Variants in GRB10 observed in about 807,000 individuals in gnomAD.
GRB10 encodes the protein growth factor receptor-bound protein 10.
Under a neutral mutation model 80.9 loss-of-function variants are expected in GRB10, and 20 were observed. That is an observed-to-expected ratio of 0.25 (90% CI 0.17 to 0.36). GRB10 has a LOEUF of 0.36. GRB10 is among the 10% of genes least tolerant of loss of function. The pLI is 1.00. For synonymous variants in GRB10, 291 were observed against 291.5 expected, an observed-to-expected ratio of 1.00 and a Z score of 0.02; for missense variants, 548 against 747.7, an observed-to-expected ratio of 0.73 and a Z score of 3.12.
At chr7:50,703,788 TG>T in intron 5 of GRB10, 32 bp downstream of exon 5, 1 of 1,481,030 alleles carries the variant, frequency 6.8e-7, no homozygotes, top group South Asian at 1.1e-5. Flanking sequence ...AAGCTAGAAC[TG>T]GGAGTGTTCT....
chr7:50,715,179 T>A (rs1587363587), intron 4 of GRB10, among the ~76,000 whole-genome samples: 1 of 150,940 alleles, frequency 6.6e-6, no homozygotes, highest in South Asian at 2.1e-4. Context: ...GGCCTGGAGC[T>A]CCAGCCTGGG....
In GRB10 at chr7:50,681,785, C is replaced by T. The variant is rs1002106286; in HGVS notation, c.140-7127G>A. The stretch of plus-strand genomic sequence containing the variant: ...TTCCATTTGCATTTTTCACGTTTCA[C>T]GGGGGCTGCACCCTTGCCTTCCATG... On this transcript the variant is annotated intron_variant, in intron 5 of 18. Coordinates refer to ENST00000401949, the MANE Select transcript of GRB10 (RefSeq NM_001350814.2). 3.3e-5 allele frequency among the ~76,000 whole-genome samples: 5 copies of T among 152,190 alleles called. No homozygotes were observed. The East Asian group carries it at 7.7e-4, about 23-fold the overall frequency.
intron 7 of GRB10, among the ~76,000 whole-genome samples, chr7:50,639,017 T>C (rs2055617002): frequency 6.6e-6 from 1 of 152,206 alleles, no homozygotes; most frequent in African/African-American, 2.4e-5. Context: ...TATTATCACT[T>C]AGAAGTTGGA....
chr7:50,598,721 A>T (rs1442648437), intron 17 of GRB10, among the ~76,000 whole-genome samples: 1 of 152,228 alleles, frequency 6.6e-6, no homozygotes, highest in African/African-American at 2.4e-5. Flanking sequence ...ACGAAAAGTG[A>T]AAGTATCCCT....
intron 4 of GRB10, among the ~76,000 whole-genome samples, chr7:50,706,382 A>G (rs2065040921): frequency 2.0e-5 from 3 of 152,240 alleles, no homozygotes; most frequent in Admixed American, 6.5e-5. Context: ...AACTTTGTCC[A>G]CATTTCTGAT....
intron 3 of GRB10, among the ~76,000 whole-genome samples, chr7:50,742,253 ACACGCG>A (rs199682802): frequency 4.3e-4 from 20 of 47,048 alleles, no homozygotes; most frequent in Admixed American, 1.0e-3. Context: ...ATGTGTAAAC[ACACGCG>A]CACGCGCGCG....
At position 50,593,013 on chromosome 7, in the gene GRB10, T is replaced by C. The variant is rs766132484; in HGVS notation, c.1724A>G (p.Gln575Arg). The C allele has an allele frequency of 1.7e-5, 27 of 1,614,222 alleles. No individual in the cohort carries two copies. Among genetic ancestry groups the C allele is most frequent in the East Asian group, 4.5e-5 (2 of 44,884 alleles). ...SDLIQLVDFY[Q>R]LNKGVLPCKL... Reference sequence around the variant, plus strand: ...GCAAGGCAGGACTCCTTTGTTCAGCTGGTAAAAGTCAACCAGCTGGATCAG... The same window carrying C: ...GCAAGGCAGGACTCCTTTGTTCAGCCGGTAAAAGTCAACCAGCTGGATCAG... The change falls in exon 19 of 19, where the codon CAG (glutamine) becomes CGG (arginine). Residue 575 changes from glutamine to arginine, a missense_variant. Physicochemically the swap from Gln to Arg is conservative, Grantham distance 43. Around this residue, in one of 4 missense-constraint regions of GRB10, gnomAD observed 32 missense variants for 66.0 expected, o/e 0.48. Transcript: ENST00000401949.
At chr7:50,698,274 C>T (rs1188197004) in intron 5 of GRB10, among the ~76,000 whole-genome samples, 1 of 152,170 alleles carries the variant, frequency 6.6e-6, no homozygotes, top group East Asian at 1.9e-4. Flanking sequence ...GTGCGCCTTT[C>T]AGCATGTTAA....
chr7:50,628,253 G>T (rs774605514), intron 7 of GRB10, among the ~76,000 whole-genome samples: 1 of 152,248 alleles, frequency 6.6e-6, no homozygotes, highest in Non-Finnish European at 1.5e-5. Flanking sequence ...GTCAGTGGCA[G>T]CTTTGGAGCT....
At chr7:50,774,962 G>A (rs1444325053) in intron 2 of GRB10, among the ~76,000 whole-genome samples, 2 of 150,042 alleles carry the variant, frequency 1.3e-5, no homozygotes, top group African/African-American at 4.9e-5. Flanking sequence ...TGGGCAACAT[G>A]GCAAAACCCC....
At chr7:50,695,382 G>A (rs1211618634) in intron 5 of GRB10, among the ~76,000 whole-genome samples, 2 of 152,188 alleles carry the variant, frequency 1.3e-5, no homozygotes, top group Admixed American at 6.5e-5. Context: ...TTTCTAGGGA[G>A]TGAGAGTAAC....
chr7:50,742,431 C>T (rs2072045980), intron 3 of GRB10, among the ~76,000 whole-genome samples: 1 of 152,216 alleles, frequency 6.6e-6, no homozygotes, highest in South Asian at 2.1e-4. Flanking sequence ...AGTCCATGCT[C>T]TTAACCAGGA....
intron 13 of GRB10, among the ~76,000 whole-genome samples, chr7:50,612,470 C>T (rs2049733524): frequency 2.0e-5 from 3 of 152,212 alleles, no homozygotes; most frequent in Admixed American, 1.3e-4. Context: ...TTGGATGTCC[C>T]CCAGACCCCC....
intron 5 of GRB10, among the ~76,000 whole-genome samples, chr7:50,687,529 C>T (rs532218121): frequency 2.0e-5 from 3 of 152,316 alleles, no homozygotes; most frequent in East Asian, 1.9e-4. Flanking sequence ...CTTGCATGCA[C>T]GCTTCCCACA....
intron 7 of GRB10, among the ~76,000 whole-genome samples, chr7:50,661,110 C>T (rs2059224766): frequency 6.6e-6 from 1 of 152,244 alleles, no homozygotes; most frequent in South Asian, 2.1e-4. Flanking sequence ...TGCAGACACA[C>T]ATTTGCAGGA....
chr7:50,641,971 C>G (rs1020309664), intron 7 of GRB10, among the ~76,000 whole-genome samples: 1 of 152,178 alleles, frequency 6.6e-6, no homozygotes, highest in East Asian at 1.9e-4. Flanking sequence ...TGCTGCTCAC[C>G]TGAGGAACAC....
intron 17 of GRB10, among the ~76,000 whole-genome samples, chr7:50,597,392 C>T (rs2046854582): frequency 6.6e-6 from 1 of 152,232 alleles, no homozygotes; most frequent in Non-Finnish European, 1.5e-5. Context: ...AGATCCAGTT[C>T]TTCTCCCAAG....
At chr7:50,671,829 G>A (rs2244351) in intron 6 of GRB10, among the ~76,000 whole-genome samples, 85,843 of 152,142 alleles carry the variant, frequency 0.56, 24,710 homozygotes, top group African/African-American at 0.66. Context: ...ACTTTAAAGC[G>A]GCTCAGAGAC....
At chr7:50,617,886 C>CA in intron 10 of GRB10, 185 bp downstream of exon 10, 1 of 647,510 alleles carries the variant, frequency 1.5e-6, no homozygotes. Flanking sequence ...ACAGATTTTC[C>CA]AAGGAAACTT....
Sources: gnomAD v4.1 joint callset for allele counts (sites outside exome capture counted in the v4.1 genomes callset) on GRCh38, gnomAD v4.1.1 for gene constraint, gnomAD v4.1.1 regional missense constraint, MANE v1.5 for transcripts, NCBI Gene and HGNC (gene_info 2026-07-23, HGNC 2026-07-21) for gene names.